Variants in STK38 observed in about 807,000 individuals in gnomAD.
STK38 encodes the protein serine/threonine kinase 38.
In STK38, 26 loss-of-function variants were observed where a neutral mutation model predicts 59.0. That is an observed-to-expected ratio of 0.44 (90% confidence interval 0.32 to 0.61). STK38 has a LOEUF of 0.61. Among genes scored for constraint, STK38 ranks in the 20% least tolerant of loss-of-function variants. The probability of loss-of-function intolerance (pLI) is 0.04; values close to 1 mark genes in which losing one functional copy is unlikely to be tolerated. For missense variants in STK38, 433 were observed against 566.0 expected (o/e 0.76, Z 2.38); for synonymous variants, 175 against 176.6 (o/e 0.99, Z 0.07).
intron 2 of STK38, among the ~76,000 whole-genome samples, chr6:36,530,717 G>A (rs1369129337): frequency 1.4e-5 from 2 of 140,682 alleles, no homozygotes; most frequent in African/African-American, 5.4e-5. Flanking sequence ...GGAGACAAGA[G>A]TCTAGCTCTG....
chr6:36,546,877 G>A (rs1001415322), intron 1 of STK38, among the ~76,000 whole-genome samples: 2 of 152,196 alleles, frequency 1.3e-5, no homozygotes, highest in African/African-American at 2.4e-5. Flanking sequence ...TGGTGGCAGG[G>A]AGCAGACAAA....
rs530420096 is a variant in STK38 at position 36,500,738 on chromosome 6, G to A, written c.835-748C>T. On this transcript the variant is annotated intron_variant, in intron 9 of 13. Coordinates refer to ENST00000229812, the MANE Select transcript of STK38 (RefSeq NM_007271.4). ...TCGTGCCACTGCACTCCAGCCTGGCGACAGAGTGAGACTCTGTCTCAAAAA... is the reference window on the plus strand; with the variant it reads ...TCGTGCCACTGCACTCCAGCCTGGCAACAGAGTGAGACTCTGTCTCAAAAA... 4.1e-3 allele frequency among the ~76,000 whole-genome samples: 503 copies of A among 123,682 alleles called. 3 individuals carry two copies. The highest frequency in any genetic ancestry group is 0.015 in the African/African-American group (477 of 31,622). The allele number at this position is 123,682 out of a possible 152,430, so 81.1% of individuals were successfully genotyped here. A position where few individuals can be genotyped will look rare whatever the true frequency, so the allele number is the denominator to read the frequency against.
chr6:36,524,852 G>C (rs777232117), intron 3 of STK38, among the ~76,000 whole-genome samples: 110 of 142,606 alleles, frequency 7.7e-4, no homozygotes, highest in Middle Eastern at 3.4e-3. Context: ...CTAACTTTCT[G>C]TTATTTCTAC....
rs1776744346 is a variant in STK38 at position 36,497,931 on chromosome 6, AAACT to A, written c.1077-60_1077-57del. On this transcript the variant is annotated intron_variant, in intron 11 of 13. Transcript: ENST00000229812. ...TCAAGCAGTCTCCTCAGAAAAAGAA[AAACT>A]TTCTTTTTTTTTTTTTTTTTTTGAG... The A allele has an allele frequency of 1.2e-5, 16 of 1,345,148 alleles. No individual in the cohort carries two copies. The South Asian group carries it at 1.9e-4, about 16-fold the overall frequency. The allele number at this position is 1,345,148 out of a possible 1,614,324, so 83.3% of individuals were successfully genotyped here.
Position 36,512,902 on chromosome 6 carries a change from C to T in STK38, c.669+2436G>A, listed in dbSNP as rs1033265099. Among the ~76,000 whole-genome samples, 8 of 152,300 alleles carry T rather than the reference C, an allele frequency of 5.3e-5. No homozygotes were observed. In the East Asian group the frequency reaches 1.2e-3, roughly 22 times the overall value. ...CTCCAACTCTTGACCTCAGGTAATC[C>T]ACCTGCCTTGGCCTACCAAAGAGCT... is the stretch of plus-strand genomic sequence containing the variant. On this transcript the variant is annotated intron_variant, in intron 7 of 13. Coordinates refer to ENST00000229812, the MANE Select transcript of STK38 (RefSeq NM_007271.4).
intron 7 of STK38, among the ~76,000 whole-genome samples, chr6:36,508,220 G>A (rs973337571): frequency 5.3e-5 from 8 of 152,018 alleles, no homozygotes; most frequent in African/African-American, 9.7e-5. Flanking sequence ...ATAGGCATGC[G>A]CCACCACACC....
chr6:36,527,856 T>C (rs1277054233), intron 2 of STK38, among the ~76,000 whole-genome samples: 1 of 151,752 alleles, frequency 6.6e-6, no homozygotes, highest in Non-Finnish European at 1.5e-5. Flanking sequence ...TCCCAGCACT[T>C]TGAGAGGCTG....
chr6:36,519,547 A>G (rs1195260726), intron 5 of STK38, among the ~76,000 whole-genome samples: 1 of 152,200 alleles, frequency 6.6e-6, no homozygotes, highest in East Asian at 1.9e-4. Flanking sequence ...CTGTTTGTCA[A>G]GGGGAAAGCT....
chr6:36,517,709 G>A lies in STK38; in HGVS notation c.514+8C>T, dbSNP rs746249230. 15 of 1,611,860 alleles carry A rather than the reference G, an allele frequency of 9.3e-6. No homozygotes were observed. Among genetic ancestry groups the A allele is most frequent in the Non-Finnish European group, 1.1e-5 (13 of 1,178,904 alleles). On this transcript the variant is annotated splice_region_variant and intron_variant, in intron 6 of 13. Coordinates refer to ENST00000229812, the MANE Select transcript of STK38 (RefSeq NM_007271.4). Reference sequence around the variant, plus strand: ...AGAAAAAATGACCTTTCATCGTCAAGTAATTACCTCCAGGCAGGAACTCCA... The same window carrying A: ...AGAAAAAATGACCTTTCATCGTCAAATAATTACCTCCAGGCAGGAACTCCA...
intron 5 of STK38, among the ~76,000 whole-genome samples, chr6:36,518,652 G>A (rs1777313073): frequency 6.6e-6 from 1 of 152,046 alleles, no homozygotes. Context: ...CAAACTCCTG[G>A]TCTAAAGTGA....
intron 13 of STK38, 116 bp downstream of exon 13, chr6:36,496,595 C>T: frequency 1.3e-6 from 1 of 777,592 alleles, no homozygotes; most frequent in East Asian, 2.6e-5. Flanking sequence ...TTACAAAGAA[C>T]CTGAAGAAAT....
At chr6:36,504,921 A>G in intron 9 of STK38, among the ~76,000 whole-genome samples, 1 of 141,940 alleles carries the variant, frequency 7.0e-6, no homozygotes, top group African/African-American at 2.6e-5. Flanking sequence ...AAAAAAAAAA[A>G]AGAAAGAAAG....
At chr6:36,542,511 T>C (rs924394709) in intron 1 of STK38, among the ~76,000 whole-genome samples, 1 of 152,028 alleles carries the variant, frequency 6.6e-6, no homozygotes, top group African/African-American at 2.4e-5. Flanking sequence ...CAACCAGGAG[T>C]GTGGCACACA....
intron 13 of STK38, 98 bp downstream of exon 13, chr6:36,496,613 C>A: frequency 1.2e-6 from 1 of 857,770 alleles, no homozygotes; most frequent in Non-Finnish European, 1.9e-6. Context: ...AATGAAATTC[C>A]TCTCCATGTT....
At chr6:36,514,482 G>C (rs912704004) in intron 7 of STK38, among the ~76,000 whole-genome samples, 6 of 152,158 alleles carry the variant, frequency 3.9e-5, no homozygotes, top group Non-Finnish European at 8.8e-5. Flanking sequence ...TAGAGTTTTA[G>C]AGGTGAACGG....
chr6:36,501,021 C>T (rs1281761670), intron 9 of STK38, among the ~76,000 whole-genome samples: 1 of 152,076 alleles, frequency 6.6e-6, no homozygotes, highest in South Asian at 2.1e-4. Context: ...TGCAGTGGCA[C>T]GATGATGGCT....
intron 2 of STK38, among the ~76,000 whole-genome samples, chr6:36,533,065 C>CAAA (rs751360605): frequency 2.0e-5 from 1 of 50,350 alleles, no homozygotes; most frequent in African/African-American, 7.0e-5. Flanking sequence ...GACTCCATCT[C>CAAA]AAAAAAAAAA....
At chr6:36,527,107 G>T (rs911692942) in intron 2 of STK38, among the ~76,000 whole-genome samples, 13 of 149,022 alleles carry the variant, frequency 8.7e-5, no homozygotes, top group Non-Finnish European at 3.0e-5. Flanking sequence ...CAGAAGAATT[G>T]CCTGAACCTG....
chr6:36,503,138 G>A (rs1776879155), intron 9 of STK38, among the ~76,000 whole-genome samples: 1 of 152,170 alleles, frequency 6.6e-6, no homozygotes, highest in South Asian at 2.1e-4. Context: ...GCGCTGTAGG[G>A]TGTACACATG....
Sources: gnomAD v4.1 joint callset for allele counts (sites outside exome capture counted in the v4.1 genomes callset) on GRCh38, gnomAD v4.1.1 for gene constraint, MANE v1.5 for transcripts, NCBI Gene and HGNC (gene_info 2026-07-23, HGNC 2026-07-21) for gene names.